Variants in COPG2 observed in about 807,000 individuals in gnomAD.
COPG2 encodes coat protein complex I subunit gamma 2.
In COPG2, 37 loss-of-function variants were observed where a neutral mutation model predicts 46.3. That is an observed-to-expected ratio of 0.80 (90% CI 0.61 to 1.05). COPG2 has a LOEUF of 1.05. Ranked by LOEUF, COPG2 falls within the 50% of genes least tolerant of loss-of-function variation. COPG2 has a pLI of 0.00. For synonymous variants in COPG2, 159 were observed against 129.7 expected, an observed-to-expected ratio of 1.23 and a Z score of -1.53; for missense variants, 427 against 387.8, an observed-to-expected ratio of 1.10 and a Z score of -0.85.
In COPG2 at chr7:130,613,582, CTT is replaced by C; in HGVS notation, c.452_453del (p.Lys151SerfsTer21). The C allele has an allele frequency of 1.2e-6, 2 of 1,602,062 alleles. No individual in the cohort carries two copies. Among genetic ancestry groups the C allele is most frequent in the Non-Finnish European group, 1.7e-6 (2 of 1,173,594 alleles). ...ERYMKQAIVD[K>X]VSSVSSSALV... is the part of the protein sequence containing the mutation. ...AGTGCTGAACTGGATACACTGGAAACTTTATCCACAATGGCCTGCTTCATGTA... is the reference window on the plus strand; with the variant it reads ...AGTGCTGAACTGGATACACTGGAAACTATCCACAATGGCCTGCTTCATGTA... On this transcript the variant is annotated frameshift_variant, in exon 7 of 24. Transcript: ENST00000425248. LOFTEE classifies it high-confidence loss of function.
At chr7:130,565,454 G>A (rs1432816504) in intron 9 of COPG2, among the ~76,000 whole-genome samples, 1 of 152,190 alleles carries the variant, frequency 6.6e-6, no homozygotes, top group African/African-American at 2.4e-5. Context: ...TAGGGAAAGG[G>A]AAGGTCTGAT....
intron 9 of COPG2, among the ~76,000 whole-genome samples, chr7:130,584,108 C>A (rs1554447678): frequency 1.3e-5 from 2 of 151,802 alleles, no homozygotes; most frequent in African/African-American, 4.8e-5. Context: ...AAGGATAATC[C>A]ACCATGACCA....
At chr7:130,593,209 AT>A (rs1794464942) in intron 9 of COPG2, among the ~76,000 whole-genome samples, 1 of 152,270 alleles carries the variant, frequency 6.6e-6, no homozygotes, top group Admixed American at 6.5e-5. Flanking sequence ...TGAAAGACTC[AT>A]TTTGGCATTT....
intron 23 of COPG2, among the ~76,000 whole-genome samples, 193 bp downstream of exon 23, chr7:130,507,079 GTT>G (rs1799507194): frequency 6.6e-6 from 1 of 152,158 alleles, no homozygotes; most frequent in South Asian, 2.1e-4. Flanking sequence ...GGAGAGATTT[GTT>G]TTGGGCCAAA....
intron 5 of COPG2, among the ~76,000 whole-genome samples, chr7:130,644,407 G>A (rs1285818414): frequency 1.3e-5 from 2 of 152,136 alleles, no homozygotes; most frequent in African/African-American, 4.8e-5. Flanking sequence ...CCCTTTTCTA[G>A]GAACAAAGTG....
intron 4 of COPG2, among the ~76,000 whole-genome samples, chr7:130,655,521 C>G (rs1795832668): frequency 6.6e-6 from 1 of 152,106 alleles, no homozygotes. Flanking sequence ...ACCAAAGACT[C>G]CAGGGATAGT....
At chr7:130,542,813 C>T (rs1427505684) in intron 20 of COPG2, among the ~76,000 whole-genome samples, 1 of 152,004 alleles carries the variant, frequency 6.6e-6, no homozygotes, top group East Asian at 1.9e-4. Flanking sequence ...TGAATTTGTG[C>T]AGGGCTTAGC....
intron 7 of COPG2, 125 bp from the exon 8 acceptor site, chr7:130,612,363 T>C: frequency 8.0e-6 from 5 of 623,904 alleles, no homozygotes; most frequent in Non-Finnish European, 1.4e-5. Flanking sequence ...GTAGCTCTTA[T>C]AAGTCTATTT....
intron 14 of COPG2, 135 bp from the exon 15 acceptor site, chr7:130,552,565 G>T: frequency 2.5e-6 from 1 of 392,196 alleles, no homozygotes; most frequent in East Asian, 3.6e-5. Flanking sequence ...AGTGTTTCTT[G>T]ATCTTATTTC....
chr7:130,652,876 T>C lies in COPG2; in HGVS notation c.316A>G (p.Thr106Ala). 1.3e-6 allele frequency: 2 copies of C among 1,598,370 alleles called. No homozygotes were observed. Among genetic ancestry groups the C allele is most frequent in the Non-Finnish European group, 1.7e-6 (2 of 1,169,036 alleles). ...TTTTGACCATTTACATACCTGCTTGTGACAATTATCACATCCTCAGAGATG... is the reference window on the plus strand; with the variant it reads ...TTTTGACCATTTACATACCTGCTTGCGACAATTATCACATCCTCAGAGATG... The part of the protein sequence containing the change: ...ATISEDVIIV[T>A]SSLTKDMTGK... The change falls in exon 5 of 24, where the codon ACA becomes GCA. Residue 106 changes from threonine (T) to alanine (A), a missense_variant. Transcript: ENST00000425248.
In COPG2 at chr7:130,668,545, AG is replaced by A; in HGVS notation, c.37+86del. 2.3e-6 allele frequency: 3 copies of A among 1,314,440 alleles called. No individual in the cohort carries two copies. The East Asian group carries it at 9.6e-5, about 42-fold the overall frequency. 81.4% of individuals were successfully genotyped at this position (1,314,440 alleles called of 1,614,324 possible). A position where few individuals can be genotyped will look rare whatever the true frequency, so the allele number is the denominator to read the frequency against. On this transcript the variant is annotated intron_variant, in intron 1 of 23. Coordinates refer to ENST00000425248, the MANE Select transcript of COPG2 (RefSeq NM_012133.6). ...CTGGCACGGCGGCGCCCACGCCCCC[AG>A]CCCCGCCGGCCTGAAAGCAGGTGGC...
In COPG2 at chr7:130,654,082, T is replaced by A. The variant is rs774428237; in HGVS notation, c.244-1134A>T. 1.4e-4 allele frequency among the ~76,000 whole-genome samples: 22 copies of A among 152,138 alleles called. 1 individual carries two copies. The highest frequency in any genetic ancestry group is 9.8e-4 in the Admixed American group (15 of 15,282). The stretch of plus-strand genomic sequence containing the variant: ...AGTCATCAGGGAAATGAAAATTACT[T>A]ATCCAATGAAAAATTAAAACCACGT... On this transcript the variant is annotated intron_variant, in intron 4 of 23. Transcript: ENST00000425248.
intron 20 of COPG2, chr7:130,510,002 T>A (rs553007747): frequency 4.9e-5 from 24 of 488,220 alleles, no homozygotes; most frequent in Non-Finnish European, 7.4e-5. Flanking sequence ...GTAAGAGGCA[T>A]GCTAATGCCT....
intron 20 of COPG2, among the ~76,000 whole-genome samples, chr7:130,522,813 A>G (rs1334072936): frequency 1.3e-5 from 2 of 152,176 alleles, no homozygotes; most frequent in East Asian, 1.9e-4. Context: ...ATAAAGGGGC[A>G]TTCTGGCCCT....
intron 9 of COPG2, among the ~76,000 whole-genome samples, chr7:130,600,989 A>T (rs1485920502): frequency 6.6e-6 from 1 of 152,208 alleles, no homozygotes; most frequent in African/African-American, 2.4e-5. Flanking sequence ...CTTCCATATC[A>T]GGCTCACTCT....
In COPG2 at chr7:130,563,697, T is replaced by C. The variant is rs1264039952; in HGVS notation, c.872-361A>G. Among the ~76,000 whole-genome samples the C allele has an allele frequency of 4.5e-5, 6 of 133,442 alleles. No homozygotes were observed. The Admixed American group carries it at 5.6e-4, about 12-fold the overall frequency. 87.5% of individuals were successfully genotyped at this position (133,442 alleles called of 152,430 possible). A position where few individuals can be genotyped will look rare whatever the true frequency, so the allele number is the denominator to read the frequency against. On this transcript the variant is annotated intron_variant, in intron 10 of 23. Coordinates refer to ENST00000425248, the MANE Select transcript of COPG2 (RefSeq NM_012133.6). The stretch of plus-strand genomic sequence containing the variant: ...TGAACCCAGGAGGCAGAGCTTGCAG[T>C]GAGCCGAGCTATCGTGCCACTGCAC...
intron 9 of COPG2, among the ~76,000 whole-genome samples, chr7:130,604,073 C>A (rs1158939709): frequency 6.6e-6 from 1 of 152,128 alleles, no homozygotes; most frequent in Non-Finnish European, 1.5e-5. Context: ...TCATCCTCAT[C>A]ATCTTACATT....
At chr7:130,586,555 C>T (rs552983100) in intron 9 of COPG2, among the ~76,000 whole-genome samples, 26 of 152,054 alleles carry the variant, frequency 1.7e-4, no homozygotes, top group East Asian at 9.7e-4. Context: ...CTCTGCCTTC[C>T]GGGTTCATGC....
chr7:130,539,479 G>A (rs1303692836), intron 20 of COPG2, among the ~76,000 whole-genome samples: 1 of 152,160 alleles, frequency 6.6e-6, no homozygotes, highest in Admixed American at 6.5e-5. Flanking sequence ...ATAGAGAGAG[G>A]ATGGAAAAGT....
Sources: allele counts gnomAD v4.1 joint callset (sites outside exome capture counted in the v4.1 genomes callset), GRCh38; gene constraint gnomAD v4.1.1; transcripts MANE v1.5; gene names NCBI Gene and HGNC (gene_info 2026-07-23, HGNC 2026-07-21).